GCLC: variants seen among roughly 807,000 people sequenced by gnomAD.
The protein encoded by GCLC is glutamate-cysteine ligase catalytic subunit, also known as glutamate--cysteine ligase catalytic subunit.
Under a neutral mutation model 81.5 loss-of-function variants are expected in GCLC, and 30 were observed. The ratio of observed to expected loss-of-function variants is 0.37; its 90% CI spans 0.28 to 0.50. The LOEUF is 0.50. Ranked by LOEUF, GCLC falls within the 20% of genes least tolerant of loss-of-function variation. The pLI is 0.96. For missense variants in GCLC, 556 were observed against 777.4 expected, an observed-to-expected ratio of 0.72 and a Z score of 3.39; for synonymous variants, 262 against 273.3, an observed-to-expected ratio of 0.96 and a Z score of 0.41.
Position 53,505,794 on chromosome 6 carries a change from G to A in GCLC, c.1290+9C>T. ...TTTGAGTCAGTTCTTGCTGATGCAT[G>A]TGTCTTACCTCCATGGGTCGAAATT... is the stretch of plus-strand genomic sequence containing the variant. On this transcript the variant is annotated intron_variant, in intron 11 of 15. Coordinates refer to ENST00000650454, the MANE Select transcript of GCLC (RefSeq NM_001498.4). The A allele has an allele frequency of 2.0e-6, 3 of 1,522,808 alleles. No individual in the cohort carries two copies. The highest frequency in any genetic ancestry group is 1.1e-5 in the South Asian group (1 of 89,264). The allele number at this position is 1,522,808 out of a possible 1,614,324, so 94.3% of individuals were successfully genotyped here.
At chr6:53,543,966 A>AGTGT (rs909904661) in intron 1 of GCLC, among the ~76,000 whole-genome samples, 1 of 152,180 alleles carries the variant, frequency 6.6e-6, no homozygotes, top group Non-Finnish European at 1.5e-5. Context: ...ATAGCTATGA[A>AGTGT]GTGTGTGTGT....
chr6:53,498,941 T>G lies in GCLC; in HGVS notation c.1729A>C (p.Met577Leu). ...SGELMTVARW[M>L]REFIANHPDY... ...GGATGGTTTGCGATAAACTCCCTCA[T>G]CCATCTGGCAACTGTCATTAGTTCT... The change falls in exon 16 of 16, where the codon ATG becomes CTG. Residue 577 changes from methionine (M) to leucine (L), a missense_variant. Physicochemically the swap from Met to Leu is conservative, Grantham distance 15 (BLOSUM62 2). This residue lies in a region of GCLC where 313 missense variants were observed against 437.3 expected (regional missense o/e 0.72). Transcript: ENST00000650454. 1 of 1,613,054 alleles carries G rather than the reference T, an allele frequency of 6.2e-7. No homozygotes were observed. Among genetic ancestry groups the G allele is most frequent in the Non-Finnish European group, 8.5e-7 (1 of 1,179,168 alleles).
At chr6:53,538,417 C>T (rs1763295913) in intron 1 of GCLC, among the ~76,000 whole-genome samples, 1 of 151,644 alleles carries the variant, frequency 6.6e-6, no homozygotes, top group African/African-American at 2.4e-5. Flanking sequence ...AGATCCGCCT[C>T]CCGGGTTCAC....
intron 1 of GCLC, among the ~76,000 whole-genome samples, chr6:53,535,377 G>A (rs1375119555): frequency 1.3e-5 from 2 of 152,220 alleles, no homozygotes; most frequent in African/African-American, 4.8e-5. Flanking sequence ...AGCCAGGCGT[G>A]GTGGCGCATG....
At position 53,522,537 on chromosome 6, in the gene GCLC, A is replaced by G; in HGVS notation, c.151-10T>C. 1.3e-6 allele frequency: 2 copies of G among 1,519,732 alleles called. No individual in the cohort carries two copies. Among genetic ancestry groups the G allele is most frequent in the Non-Finnish European group, 1.8e-6 (2 of 1,094,576 alleles). 94.1% of individuals were successfully genotyped at this position (1,519,732 alleles called of 1,614,324 possible). On this transcript the variant is annotated splice_polypyrimidine_tract_variant and intron_variant, in intron 1 of 15. Coordinates refer to ENST00000650454, the MANE Select transcript of GCLC (RefSeq NM_001498.4). Reference sequence around the variant, plus strand: ...CCAACATGTATTCCACCTATTGAAAATAAAGGTGAGAAAAATTAACATTCT... The same window carrying G: ...CCAACATGTATTCCACCTATTGAAAGTAAAGGTGAGAAAAATTAACATTCT...
At chr6:53,499,961 T>A (rs1764474338) in intron 15 of GCLC, 84 bp downstream of exon 15, 1 of 1,011,118 alleles carries the variant, frequency 9.9e-7, no homozygotes, top group Non-Finnish European at 1.6e-6. Flanking sequence ...AGCATTATTT[T>A]AAAAGACTAC....
chr6:53,526,415 C>T (rs1172653133), intron 1 of GCLC, among the ~76,000 whole-genome samples: 5 of 152,130 alleles, frequency 3.3e-5, no homozygotes. Context: ...TGGCATTTAC[C>T]ACTAGCATAA....
intron 1 of GCLC, among the ~76,000 whole-genome samples, chr6:53,536,533 A>G (rs1352046351): frequency 1.3e-5 from 2 of 152,216 alleles, no homozygotes; most frequent in Non-Finnish European, 2.9e-5. Context: ...ACTAATTAGC[A>G]AGCTCGTTAG....
intron 1 of GCLC, among the ~76,000 whole-genome samples, chr6:53,534,366 G>C (rs1763222522): frequency 6.6e-6 from 1 of 151,860 alleles, no homozygotes; most frequent in Non-Finnish European, 1.5e-5. Flanking sequence ...TTTGGACAAA[G>C]TTTACAGACA....
In GCLC at chr6:53,544,536, A is replaced by G. The variant is rs748943076; in HGVS notation, c.110T>C (p.Val37Ala). 7 of 1,608,958 alleles carry G rather than the reference A, an allele frequency of 4.4e-6. No homozygotes were observed. In the Admixed American group the frequency reaches 1.2e-4, roughly 27 times the overall value. The change falls in exon 1 of 16, where the codon GTC becomes GCC. Residue 37 changes from valine (V) to alanine (A), a missense_variant. By Grantham distance (64) the Val-to-Ala change is moderately conservative (BLOSUM62 0). This residue lies in a region of GCLC where 234 missense variants were observed against 303.8 expected (regional missense o/e 0.77). Coordinates refer to ENST00000650454, the MANE Select transcript of GCLC (RefSeq NM_001498.4). ...GAGAACGTCCTTGTGCCGGTCCTTG[A>G]CGGCGTGGTAGATGTGCAGGAACTG... Reference protein sequence around the residue: ...ILQFLHIYHAVKDRHKDVLKW... With the variant: ...ILQFLHIYHAAKDRHKDVLKW...
At position 53,497,434 on chromosome 6, in the gene GCLC, A is replaced by T. The variant is rs1375448551; in HGVS notation, c.*1322T>A. 3 of 152,218 alleles carry T rather than the reference A, an allele frequency of 2.0e-5. No homozygotes were observed. Among genetic ancestry groups the T allele is most frequent in the Non-Finnish European group, 4.4e-5 (3 of 68,038 alleles). The allele number at this position is 152,218 out of a possible 1,614,324, so 9.4% of individuals were successfully genotyped here. A position where few individuals can be genotyped will look rare whatever the true frequency, so the allele number is the denominator to read the frequency against. ...TTTACAACCTGATTTACACAAGCAAATTGCAAACGAAAACCAGGCATTCTT... is the reference window on the plus strand; with the variant it reads ...TTTACAACCTGATTTACACAAGCAATTTGCAAACGAAAACCAGGCATTCTT... On this transcript the variant is annotated 3_prime_UTR_variant, in exon 16 of 16. Coordinates refer to ENST00000650454, the MANE Select transcript of GCLC (RefSeq NM_001498.4).
chr6:53,530,489 T>C (rs534127073), intron 1 of GCLC, among the ~76,000 whole-genome samples: 13 of 152,334 alleles, frequency 8.5e-5, no homozygotes, highest in Admixed American at 4.6e-4. Context: ...GTTCTGATTC[T>C]GGCCTGCTAC....
chr6:53,540,881 C>T (rs973900584), intron 1 of GCLC, among the ~76,000 whole-genome samples: 1 of 151,960 alleles, frequency 6.6e-6, no homozygotes, highest in Non-Finnish European at 1.5e-5. Context: ...CCATCCTCAC[C>T]CCACAAAAAA....
rs901175378 is a variant in GCLC, at chr6:53,506,379, C to T, written c.1198-484G>A. ...ATACACTGAGAGAGAGTTCTTTCTCCGTCCTGACCATCTTGGGACCCGATG... is the reference window on the plus strand; with the variant it reads ...ATACACTGAGAGAGAGTTCTTTCTCTGTCCTGACCATCTTGGGACCCGATG... On this transcript the variant is annotated intron_variant, in intron 10 of 15. Coordinates refer to ENST00000650454, the MANE Select transcript of GCLC (RefSeq NM_001498.4). The surrounding 1 kb of genome is among the most constrained non-coding windows in gnomAD (Gnocchi z 4.0). The T allele has an allele frequency of 4.4e-5, 10 of 225,548 alleles. No homozygotes were observed. The highest frequency in any genetic ancestry group is 1.6e-4 in the African/African-American group (7 of 42,826). The allele number at this position is 225,548 out of a possible 1,614,324, so 14.0% of individuals were successfully genotyped here.
chr6:53,497,902 T>C lies in GCLC; in HGVS notation c.*854A>G, dbSNP rs1764403703. The C allele has an allele frequency of 6.6e-6, 1 of 152,274 alleles. No homozygotes were observed. The allele number at this position is 152,274 out of a possible 1,614,324, so 9.4% of individuals were successfully genotyped here. ...AAACTGTATACAGCAGCAATCAGAA[T>C]AACAGGCCACAAGAGAAGAACGCCA... On this transcript the variant is annotated 3_prime_UTR_variant, in exon 16 of 16. Coordinates refer to ENST00000650454, the MANE Select transcript of GCLC (RefSeq NM_001498.4).
At chr6:53,507,205 G>C (rs1764633216) in intron 9 of GCLC, 180 bp from the exon 10 acceptor site, 5 of 676,610 alleles carry the variant, frequency 7.4e-6, no homozygotes, top group Non-Finnish European at 1.4e-5. Context: ...CACTGCGGGA[G>C]TGTCAGCGTT....
At chr6:53,525,882 T>C (rs1264618721) in intron 1 of GCLC, among the ~76,000 whole-genome samples, 1 of 152,166 alleles carries the variant, frequency 6.6e-6, no homozygotes, top group Non-Finnish European at 1.5e-5. Flanking sequence ...ATCCTTTTAA[T>C]TGAGGGAGAA....
At chr6:53,540,746 T>C (rs982307366) in intron 1 of GCLC, among the ~76,000 whole-genome samples, 5 of 150,996 alleles carry the variant, frequency 3.3e-5, no homozygotes, top group Non-Finnish European at 7.4e-5. Flanking sequence ...GTCAACCCAC[T>C]ACTGAATCAT....
chr6:53,539,129 T>C (rs534348307), intron 1 of GCLC, among the ~76,000 whole-genome samples: 3 of 152,302 alleles, frequency 2.0e-5, no homozygotes, highest in Admixed American at 1.3e-4. Flanking sequence ...AATGTGCATA[T>C]CTAAGTTACA....
Sources: allele counts gnomAD v4.1 joint callset (sites outside exome capture counted in the v4.1 genomes callset), GRCh38; gene constraint gnomAD v4.1.1; regional missense constraint gnomAD v4.1.1; non-coding constraint Gnocchi (gnomAD v3.1); transcripts MANE v1.5; gene names NCBI Gene and HGNC (gene_info 2026-07-23, HGNC 2026-07-21).